Variants in SLC5A2 observed in about 807,000 individuals in gnomAD.
The protein encoded by SLC5A2 is sodium/glucose cotransporter 2.
Under a neutral mutation model 69.0 loss-of-function variants are expected in SLC5A2, and 67 were observed. That is an observed-to-expected ratio of 0.97 (90% CI 0.80 to 1.19). SLC5A2 has a LOEUF of 1.19. Ranked by LOEUF, SLC5A2 falls within the 50% of genes most tolerant of loss-of-function variation. The pLI is 0.00. For missense variants in SLC5A2, 1,001 were observed against 921.5 expected (o/e 1.09, Z -1.12); for synonymous variants, 455 against 395.8 (o/e 1.15, Z -1.78).
rs752505450 is a variant in SLC5A2, at chr16:31,490,404, C to T, written c.1888C>T (p.Gln630Ter). 6.2e-7 allele frequency: 1 copy of T among 1,613,546 alleles called. No individual in the cohort carries two copies. Among genetic ancestry groups the T allele is most frequent in the Non-Finnish European group, 8.5e-7 (1 of 1,179,906 alleles). ...GGTGGGCAGTCCTCCGCCCCTTACC[C>T]AGGAGGAGGCAGCGGCAGCAGCCAG... Reference protein sequence around the residue: ...GGVGSPPPLTQEEAAAAARRL... With the variant: ...GGVGSPPPLT Residue 630 changes from glutamine to a stop codon, truncating the protein, a stop_gained, in exon 14 of 14, where the codon CAG (glutamine) becomes TAG (stop). Transcript: ENST00000330498. LOFTEE classifies it high-confidence loss of function.
rs139661242 is a variant in SLC5A2 at position 31,489,008 on chromosome 16, T to C, written c.1409T>C (p.Val470Ala). 381 of 1,600,576 alleles carry C rather than the reference T, an allele frequency of 2.4e-4. No individual in the cohort carries two copies. Among genetic ancestry groups the C allele is most frequent in the Non-Finnish European group, 2.9e-4 (347 of 1,179,746 alleles). Residue 470 changes from valine to alanine, a missense_variant, in exon 11 of 14, where the codon GTC (valine) becomes GCC (alanine). Coordinates refer to ENST00000330498, the MANE Select transcript of SLC5A2 (RefSeq NM_003041.4). ...TACCTGGCACCGCCCGTGTCCGCCGTCTTCGTGCTGGCGCTCTTCGTGCCG... is the reference window on the plus strand; with the variant it reads ...TACCTGGCACCGCCCGTGTCCGCCGCCTTCGTGCTGGCGCTCTTCGTGCCG... ...SSYLAPPVSA[V>A]FVLALFVPRV...
At position 31,487,977 on chromosome 16, in the gene SLC5A2, G is replaced by C. The variant is rs2082512782; in HGVS notation, c.886-61G>C. 9 of 1,601,280 alleles carry C rather than the reference G, an allele frequency of 5.6e-6. No individual in the cohort carries two copies. In the South Asian group the frequency reaches 9.9e-5, roughly 18 times the overall value. On this transcript the variant is annotated intron_variant, in intron 7 of 13. Transcript: ENST00000330498. ...CCAGAGGCGGGGCACAGAGCGGAAC[G>C]GGGCGCGGGGCGGGGCCGAGGGGAG...
chr16:31,487,881 G>C (rs1265480283), intron 7 of SLC5A2, 122 bp downstream of exon 7: 4 of 1,391,872 alleles, frequency 2.9e-6, no homozygotes, highest in African/African-American at 1.4e-5. Flanking sequence ...GGAACCCCTC[G>C]GGTTGGTGCT....
Position 31,486,251 on chromosome 16 carries a change from A to G in SLC5A2, c.550A>G (p.Ile184Val), listed in dbSNP as rs2082494651. The change falls in exon 5 of 14, where the codon ATC becomes GTC. Residue 184 changes from isoleucine (I) to valine (V), a missense_variant. Physicochemically the swap from Ile to Val is conservative, Grantham distance 29. Coordinates refer to ENST00000330498, the MANE Select transcript of SLC5A2 (RefSeq NM_003041.4). Reference sequence around the variant, plus strand: ...TGCCTCCGTCATCGCGCTTCTGGGCATCACCATGATTTACACGGTGACAGG... The same window carrying G: ...TGCCTCCGTCATCGCGCTTCTGGGCGTCACCATGATTTACACGGTGACAGG... ...IYASVIALLG[I>V]TMIYTVTGGL... 2 of 1,613,834 alleles carry G rather than the reference A, an allele frequency of 1.2e-6. No homozygotes were observed. The highest frequency in any genetic ancestry group is 1.7e-6 in the Non-Finnish European group (2 of 1,179,860).
Position 31,484,649 on chromosome 16 carries a change from G to A in SLC5A2, c.127-24G>A, listed in dbSNP as rs771948662. On this transcript the variant is annotated intron_variant, in intron 1 of 13. Coordinates refer to ENST00000330498, the MANE Select transcript of SLC5A2 (RefSeq NM_003041.4). ...GTCCAAGGCTGTGCCCTAAACCCAGGTCTCCCCCGCCTCTGTCTCCCAGTC... is the reference window on the plus strand; with the variant it reads ...GTCCAAGGCTGTGCCCTAAACCCAGATCTCCCCCGCCTCTGTCTCCCAGTC... The A allele has an allele frequency of 5.6e-6, 9 of 1,603,016 alleles. 1 individual carries two copies. The highest frequency in any genetic ancestry group is 3.4e-4 in the Middle Eastern group (2 of 5,926).
At chr16:31,486,336 G>A (rs1262063907) in intron 5 of SLC5A2, 61 bp downstream of exon 5, 40 of 1,321,116 alleles carry the variant, frequency 3.0e-5, no homozygotes, top group Non-Finnish European at 4.2e-5. Context: ...CTGTGGCCAG[G>A]GTTTAGGGAG....
At chr16:31,485,225 C>T (rs1596617457) in intron 3 of SLC5A2, 1 of 542,650 alleles carries the variant, frequency 1.8e-6, no homozygotes, top group East Asian at 3.3e-5. Flanking sequence ...AGGGAAGCAC[C>T]TGCTCAGATG....
At chr16:31,485,083 G>C in intron 3 of SLC5A2, 160 bp downstream of exon 3, 1 of 751,840 alleles carries the variant, frequency 1.3e-6, no homozygotes, top group South Asian at 1.5e-5. Context: ...ATCTAGCCAG[G>C]AAGCAGAGGG....
rs1316472431 is a variant in SLC5A2, at chr16:31,487,399, C to T, written c.654C>T (p.Tyr218=). ...GGGGCGCCTGCATCCTCATGGGTTACGGTAGGGGCTCGCCTACCAGGGAGG... is the reference window on the plus strand; with the variant it reads ...GGGGCGCCTGCATCCTCATGGGTTATGGTAGGGGCTCGCCTACCAGGGAGG... The part of the protein sequence containing the change: ...ILGGACILMG[Y]AFHEVGGYSG... The change falls in exon 6 of 14, where the codon TAC becomes TAT. Residue 218 remains tyrosine, a splice_region_variant and synonymous_variant. Transcript: ENST00000330498. 11 of 1,613,666 alleles carry T rather than the reference C, an allele frequency of 6.8e-6. No homozygotes were observed. Among genetic ancestry groups the T allele is most frequent in the Admixed American group, 1.7e-5 (1 of 60,024 alleles).
In SLC5A2 at chr16:31,488,142, G is replaced by A; in HGVS notation, c.990G>A (p.Met330Ile). The A allele has an allele frequency of 6.2e-7, 1 of 1,614,100 alleles. No homozygotes were observed. Among genetic ancestry groups the A allele is most frequent in the Non-Finnish European group, 8.5e-7 (1 of 1,179,988 alleles). ...TGACGCCCATGTTTCTCATGGTCAT[G>A]CCAGGCATGATCAGCCGCATTCTGT... is the stretch of plus-strand genomic sequence containing the variant. ...LKLTPMFLMV[M>I]PGMISRILYP... The change falls in exon 8 of 14, where the codon ATG becomes ATA. Residue 330 changes from methionine (M) to isoleucine (I), a missense_variant. By Grantham distance (10) the Met-to-Ile change is conservative. Coordinates refer to ENST00000330498, the MANE Select transcript of SLC5A2 (RefSeq NM_003041.4).
rs1596623482 is a variant in SLC5A2 at position 31,490,718 on chromosome 16, G to A, written c.*183G>A. 9 of 1,252,996 alleles carry A rather than the reference G, an allele frequency of 7.2e-6. No homozygotes were observed. The East Asian group carries it at 1.2e-4, about 16-fold the overall frequency. The allele number at this position is 1,252,996 out of a possible 1,614,324, so 77.6% of individuals were successfully genotyped here. A position where few individuals can be genotyped will look rare whatever the true frequency, so the allele number is the denominator to read the frequency against. On this transcript the variant is annotated 3_prime_UTR_variant, in exon 14 of 14. Transcript: ENST00000330498. ...GGCAGTCACTTCCCATGAGGGCCTG[G>A]CCCACCCGCTGCAGTTGCCCTAAGG...
intron 7 of SLC5A2, 118 bp downstream of exon 7, chr16:31,487,877 C>T: frequency 7.1e-7 from 1 of 1,401,962 alleles, no homozygotes; most frequent in Non-Finnish European, 9.7e-7. Flanking sequence ...GGCGGGAACC[C>T]CTCGGGTTGG....
intron 12 of SLC5A2, 119 bp from the exon 13 acceptor site, chr16:31,489,985 G>C: frequency 8.2e-6 from 11 of 1,349,614 alleles, no homozygotes; most frequent in Non-Finnish European, 1.1e-5. Flanking sequence ...CCTGGGCTGG[G>C]TGTGTAGACT....
At position 31,488,050 on chromosome 16, in the gene SLC5A2, C is replaced by G. The variant is rs1014171748; in HGVS notation, c.898C>G (p.Arg300Gly). Reference protein sequence around the residue: ...YWCSDQVIVQRCLAGKSLTHI... With the variant: ...YWCSDQVIVQGCLAGKSLTHI... ...GCCCCTCCCGTAGGTCATCGTGCAG[C>G]GCTGCCTGGCCGGGAAGAGCCTGAC... The change falls in exon 8 of 14, where the codon CGC becomes GGC. Residue 300 changes from arginine (R) to glycine (G), a missense_variant. Arg to Gly is a moderately radical substitution (Grantham distance 125). Transcript: ENST00000330498. 4 of 1,613,670 alleles carry G rather than the reference C, an allele frequency of 2.5e-6. No homozygotes were observed. Among genetic ancestry groups the G allele is most frequent in the Non-Finnish European group, 3.4e-6 (4 of 1,179,940 alleles).
chr16:31,487,814 G>T (rs2142625717), intron 7 of SLC5A2, 55 bp downstream of exon 7: 1 of 1,526,296 alleles, frequency 6.6e-7, no homozygotes, highest in South Asian at 1.2e-5. Context: ...GAGACGGGCG[G>T]AGCCTGAGTC....
intron 1 of SLC5A2, 39 bp from the exon 2 acceptor site, chr16:31,484,634 G>A: frequency 6.3e-7 from 1 of 1,592,092 alleles, no homozygotes; most frequent in Non-Finnish European, 8.5e-7. Context: ...GTCCAAGGCT[G>A]TGCCCTAAAC....
At chr16:31,485,530 G>A (rs2082488055) in intron 3 of SLC5A2, 199 bp from the exon 4 acceptor site, 1 of 624,948 alleles carries the variant, frequency 1.6e-6, no homozygotes, top group Non-Finnish European at 2.8e-6. Context: ...GACAAGGAGG[G>A]CTCCAGTTAA....
intron 4 of SLC5A2, 56 bp from the exon 5 acceptor site, chr16:31,486,114 A>G (rs1216856595): frequency 7.3e-7 from 1 of 1,370,986 alleles, no homozygotes; most frequent in Non-Finnish European, 1.0e-6. Context: ...CCTGGGCAGG[A>G]GGTGGGCTGG....
chr16:31,484,449 GAA>G (rs2082479247), intron 1 of SLC5A2, among the ~76,000 whole-genome samples: 1 of 151,378 alleles, frequency 6.6e-6, no homozygotes, highest in East Asian at 1.9e-4. Flanking sequence ...AAAAAAGAAA[GAA>G]AAAGAAAAAA....
Sources: gnomAD v4.1 joint callset for allele counts (sites outside exome capture counted in the v4.1 genomes callset) on GRCh38, gnomAD v4.1.1 for gene constraint, MANE v1.5 for transcripts, NCBI Gene and HGNC (gene_info 2026-07-23, HGNC 2026-07-21) for gene names.